The following FBXO8 variants were observed in gnomAD, a reference collection of about 807,000 sequenced individuals.
The protein encoded by FBXO8 is F-box only protein 8.
Under a neutral mutation model 33.4 loss-of-function variants are expected in FBXO8, and 15 were observed. That is an observed-to-expected ratio of 0.45 (90% CI 0.30 to 0.69). The LOEUF (loss-of-function observed/expected upper bound fraction) is 0.69. Ranked by LOEUF, FBXO8 falls within the 30% of genes least tolerant of loss-of-function variation. FBXO8 has a pLI of 0.08. For synonymous variants in FBXO8, 132 were observed against 131.5 expected (o/e 1.00, Z -0.02); for missense variants, 274 against 380.3 (o/e 0.72, Z 2.32).
Position 174,256,270 on chromosome 4 carries a change from AGGTACTTGC to A in FBXO8, c.456+3420_456+3428del. 3 of 371,350 alleles carry A rather than the reference AGGTACTTGC, an allele frequency of 8.1e-6. No homozygotes were observed. Among genetic ancestry groups the A allele is most frequent in the Admixed American group, 6.5e-5 (2 of 30,584 alleles). 23.0% of individuals were successfully genotyped at this position (371,350 alleles called of 1,614,324 possible). A position where few individuals can be genotyped will look rare whatever the true frequency, so the allele number is the denominator to read the frequency against. ...TAAGCAATTATATACATCTTATCTC[AGGTACTTGC>A]AAAAAGCATCACATATTTAAACGTA... is the stretch of plus-strand genomic sequence containing the variant. On this transcript the variant is annotated intron_variant, in intron 3 of 5. Transcript: ENST00000393674. The surrounding 1 kb of genome is among the most constrained non-coding windows in gnomAD (Gnocchi z 4.6).
chr4:174,241,573 C>T lies in FBXO8; in HGVS notation c.457-355G>A, dbSNP rs901578788. Reference sequence around the variant, plus strand: ...AAAACAAGCCTTTTAACAAACACTTCTGCTGTCTAATACAAAACATGATTT... The same window carrying T: ...AAAACAAGCCTTTTAACAAACACTTTTGCTGTCTAATACAAAACATGATTT... On this transcript the variant is annotated intron_variant, in intron 3 of 5. Coordinates refer to ENST00000393674, the MANE Select transcript of FBXO8 (RefSeq NM_012180.3). This position sits in a 1 kb window ranked among gnomAD's most constrained non-coding sequence, Gnocchi z 4.2. 3.3e-5 allele frequency among the ~76,000 whole-genome samples: 5 copies of T among 151,572 alleles called. No individual in the cohort carries two copies. Among genetic ancestry groups the T allele is most frequent in the Non-Finnish European group, 7.4e-5 (5 of 67,590 alleles).
rs142245172 is a variant in FBXO8 at position 174,248,600 on chromosome 4, A to G, written c.457-7382T>C. ...AGTGGGAGAATTAACAGCTGTGAAG[A>G]GAGAGTGCCAGTATCCTGTAGCCAG... On this transcript the variant is annotated intron_variant, in intron 3 of 5. Coordinates refer to ENST00000393674, the MANE Select transcript of FBXO8 (RefSeq NM_012180.3). Among the ~76,000 whole-genome samples, 1,449 of 152,226 alleles carry G rather than the reference A, an allele frequency of 9.5e-3. 9 individuals are homozygous for G. The highest frequency in any genetic ancestry group is 0.017 in the Middle Eastern group (5 of 294).
chr4:174,268,733 G>C (rs1303914717), intron 1 of FBXO8, among the ~76,000 whole-genome samples: 1 of 152,226 alleles, frequency 6.6e-6, no homozygotes, highest in African/African-American at 2.4e-5. Flanking sequence ...ACCGCGCCCG[G>C]CCGGGGGCCG....
intron 3 of FBXO8, among the ~76,000 whole-genome samples, chr4:174,246,157 A>T (rs556000464): frequency 6.6e-6 from 1 of 152,092 alleles, no homozygotes; most frequent in African/African-American, 2.4e-5. Flanking sequence ...CTTCGAGTTA[A>T]AGAACAGGGT....
In FBXO8 at chr4:174,237,205, AC is replaced by A; in HGVS notation, c.*206del. The stretch of plus-strand genomic sequence containing the variant: ...CTCTGCTTTGTGCAAAACGTGATAA[AC>A]AAAATTAGGAAAAATTCTGCAAAAT... On this transcript the variant is annotated 3_prime_UTR_variant, in exon 6 of 6. Coordinates refer to ENST00000393674, the MANE Select transcript of FBXO8 (RefSeq NM_012180.3). This position sits in a 1 kb window ranked among gnomAD's most constrained non-coding sequence, Gnocchi z 4.4. The A allele has an allele frequency of 6.3e-6, 3 of 478,364 alleles. No individual in the cohort carries two copies. Among genetic ancestry groups the A allele is most frequent in the Non-Finnish European group, 1.1e-5 (3 of 269,030 alleles). The allele number at this position is 478,364 out of a possible 1,614,324, so 29.6% of individuals were successfully genotyped here.
rs1489377266 is a variant in FBXO8, at chr4:174,265,720, T to A, written c.-8-2620A>T. Among the ~76,000 whole-genome samples, 1 of 152,154 alleles carries A rather than the reference T, an allele frequency of 6.6e-6. No individual in the cohort carries two copies. Among genetic ancestry groups the A allele is most frequent in the African/African-American group, 2.4e-5 (1 of 41,448 alleles). ...AATAGAGAATGTCAACAAAAAATTA[T>A]AAGTACAAGTTTTATATTTGTTTAA... On this transcript the variant is annotated intron_variant, in intron 1 of 5. Coordinates refer to ENST00000393674, the MANE Select transcript of FBXO8 (RefSeq NM_012180.3). The surrounding 1 kb of genome is among the most constrained non-coding windows in gnomAD (Gnocchi z 4.7).
chr4:174,236,700 G>A lies in FBXO8; in HGVS notation c.*712C>T, dbSNP rs1735894345. On this transcript the variant is annotated 3_prime_UTR_variant, in exon 6 of 6. Coordinates refer to ENST00000393674, the MANE Select transcript of FBXO8 (RefSeq NM_012180.3). ...AATATTTTATTTTATTCCTATGAAT[G>A]TAAATCATAAATTTTGATGTTTTAA... 6.6e-6 allele frequency: 1 copy of A among 152,046 alleles called. No individual in the cohort carries two copies. The highest frequency in any genetic ancestry group is 2.1e-4 in the South Asian group (1 of 4,820). The allele number at this position is 152,046 out of a possible 1,614,324, so 9.4% of individuals were successfully genotyped here. A position where few individuals can be genotyped will look rare whatever the true frequency, so the allele number is the denominator to read the frequency against.
rs1736188117 is a variant in FBXO8, at chr4:174,247,550, C to T, written c.457-6332G>A. Among the ~76,000 whole-genome samples, 1 of 151,912 alleles carries T rather than the reference C, an allele frequency of 6.6e-6. No homozygotes were observed. Among genetic ancestry groups the T allele is most frequent in the Admixed American group, 6.6e-5 (1 of 15,214 alleles). ...TAATACTTAAACAATATAGCTCAAT[C>T]TAGATTTCTAACTTTTCTTTCAACA... On this transcript the variant is annotated intron_variant, in intron 3 of 5. Transcript: ENST00000393674. The surrounding 1 kb of genome is among the most constrained non-coding windows in gnomAD (Gnocchi z 4.6).
Position 174,283,010 on chromosome 4 carries a change from T to C in FBXO8, c.-9+400A>G, listed in dbSNP as rs1056713294. Among the ~76,000 whole-genome samples the C allele has an allele frequency of 4.6e-5, 7 of 152,220 alleles. No homozygotes were observed. Among genetic ancestry groups the C allele is most frequent in the Admixed American group, 4.6e-4 (7 of 15,290 alleles). ...AACTATACTTGTGTTTGCATTCATATTACTGGAAAGTGGTAAAGAACCAAA... is the reference window on the plus strand; with the variant it reads ...AACTATACTTGTGTTTGCATTCATACTACTGGAAAGTGGTAAAGAACCAAA... On this transcript the variant is annotated intron_variant, in intron 1 of 5. Transcript: ENST00000393674. The surrounding 1 kb of genome is among the most constrained non-coding windows in gnomAD (Gnocchi z 6.7).
intron 3 of FBXO8, among the ~76,000 whole-genome samples, chr4:174,243,400 G>C (rs539895529): frequency 1.3e-5 from 2 of 151,180 alleles, no homozygotes; most frequent in Non-Finnish European, 1.5e-5. Flanking sequence ...GGCTACCAAA[G>C]TGAATGGTAA....
rs193170561 is a variant in FBXO8, at chr4:174,242,187, T to A, written c.457-969A>T. Among the ~76,000 whole-genome samples the A allele has an allele frequency of 9.5e-4, 144 of 151,718 alleles. 1 individual carries two copies. The highest frequency in any genetic ancestry group is 1.7e-3 in the Non-Finnish European group (112 of 67,608). On this transcript the variant is annotated intron_variant, in intron 3 of 5. Transcript: ENST00000393674. ...TTAATTGGCAGAGAAAATGACGTAT[T>A]ATATACACACAACATAATGTTTTCA...
In FBXO8 at chr4:174,236,832, T is replaced by C. The variant is rs1735897591; in HGVS notation, c.*580A>G. 6.6e-6 allele frequency: 1 copy of C among 152,038 alleles called. No individual in the cohort carries two copies. Among genetic ancestry groups the C allele is most frequent in the South Asian group, 2.1e-4 (1 of 4,824 alleles). 9.4% of individuals were successfully genotyped at this position (152,038 alleles called of 1,614,324 possible). A position where few individuals can be genotyped will look rare whatever the true frequency, so the allele number is the denominator to read the frequency against. ...TATAAAAATAACTGCCAGTTTTGCATAGTAATATAGTAACAAATCAACACT... is the reference window on the plus strand; with the variant it reads ...TATAAAAATAACTGCCAGTTTTGCACAGTAATATAGTAACAAATCAACACT... On this transcript the variant is annotated 3_prime_UTR_variant, in exon 6 of 6. Coordinates refer to ENST00000393674, the MANE Select transcript of FBXO8 (RefSeq NM_012180.3).
rs1736814951 is a variant in FBXO8, at chr4:174,270,581, C to G, written c.-8-7481G>C. 1.3e-5 allele frequency among the ~76,000 whole-genome samples: 2 copies of G among 151,596 alleles called. No individual in the cohort carries two copies. Among genetic ancestry groups the G allele is most frequent in the African/African-American group, 2.4e-5 (1 of 41,296 alleles). ...AGCTTAAATTTAATATGCTAAACTTCAAGATCATTTTTATTCATGCTCATG... is the reference window on the plus strand; with the variant it reads ...AGCTTAAATTTAATATGCTAAACTTGAAGATCATTTTTATTCATGCTCATG... On this transcript the variant is annotated intron_variant, in intron 1 of 5. Transcript: ENST00000393674. The surrounding 1 kb of genome is among the most constrained non-coding windows in gnomAD (Gnocchi z 4.6).
chr4:174,267,187 T>G lies in FBXO8; in HGVS notation c.-8-4087A>C, dbSNP rs1014497119. 1.3e-5 allele frequency among the ~76,000 whole-genome samples: 2 copies of G among 152,194 alleles called. No individual in the cohort carries two copies. The highest frequency in any genetic ancestry group is 2.9e-5 in the Non-Finnish European group (2 of 68,040). On this transcript the variant is annotated intron_variant, in intron 1 of 5. Coordinates refer to ENST00000393674, the MANE Select transcript of FBXO8 (RefSeq NM_012180.3). This position sits in a 1 kb window ranked among gnomAD's most constrained non-coding sequence, Gnocchi z 4.7. ...TGTCTTTCACAGAAAATTTTAAAAC[T>G]CAGCATGCCTGAGGATGGTGCCAAT... is the stretch of plus-strand genomic sequence containing the variant.
In FBXO8 at chr4:174,245,185, T is replaced by C. The variant is rs1272129890; in HGVS notation, c.457-3967A>G. ...TATCTGTGGCAATGAGACACATACATAAACATCTAGAATACACACGTGCCA... is the reference window on the plus strand; with the variant it reads ...TATCTGTGGCAATGAGACACATACACAAACATCTAGAATACACACGTGCCA... On this transcript the variant is annotated intron_variant, in intron 3 of 5. Transcript: ENST00000393674. The surrounding 1 kb of genome is among the most constrained non-coding windows in gnomAD (Gnocchi z 4.6). Among the ~76,000 whole-genome samples, 1 of 151,754 alleles carries C rather than the reference T, an allele frequency of 6.6e-6. No homozygotes were observed. Among genetic ancestry groups the C allele is most frequent in the African/African-American group, 2.4e-5 (1 of 41,384 alleles).
chr4:174,238,531 C>T (rs1372872190), intron 5 of FBXO8, among the ~76,000 whole-genome samples: 1 of 151,168 alleles, frequency 6.6e-6, no homozygotes, highest in Admixed American at 6.6e-5. Context: ...TACAAACATA[C>T]ACATATAGAT....
chr4:174,283,662 A>G lies in FBXO8; in HGVS notation c.-261T>C, dbSNP rs908097520. 7.8e-6 allele frequency: 3 copies of G among 384,668 alleles called. No individual in the cohort carries two copies. The highest frequency in any genetic ancestry group is 1.4e-4 in the South Asian group (1 of 6,904). The allele number at this position is 384,668 out of a possible 1,614,324, so 23.8% of individuals were successfully genotyped here. A position where few individuals can be genotyped will look rare whatever the true frequency, so the allele number is the denominator to read the frequency against. ...GACTATCCCAATTTTGACGTTTCCTATTGTTGCCGGAAGTGACGTTAGGCT... is the reference window on the plus strand; with the variant it reads ...GACTATCCCAATTTTGACGTTTCCTGTTGTTGCCGGAAGTGACGTTAGGCT... On this transcript the variant is annotated 5_prime_UTR_variant, in exon 1 of 6. Transcript: ENST00000393674. This position sits in a 1 kb window ranked among gnomAD's most constrained non-coding sequence, Gnocchi z 6.7.
Position 174,255,185 on chromosome 4 carries a change from T to A in FBXO8, c.456+4514A>T, listed in dbSNP as rs929421378. Among the ~76,000 whole-genome samples, 2 of 152,194 alleles carry A rather than the reference T, an allele frequency of 1.3e-5. No individual in the cohort carries two copies. Among genetic ancestry groups the A allele is most frequent in the Non-Finnish European group, 2.9e-5 (2 of 68,008 alleles). On this transcript the variant is annotated intron_variant, in intron 3 of 5. Coordinates refer to ENST00000393674, the MANE Select transcript of FBXO8 (RefSeq NM_012180.3). This position sits in a 1 kb window ranked among gnomAD's most constrained non-coding sequence, Gnocchi z 4.3. ...TTGGGAAATGTTTATTGGTACATTC[T>A]AATAATGCCCATGAGGGTTTTCATT...
Position 174,265,753 on chromosome 4 carries a change from A to C in FBXO8, c.-8-2653T>G, listed in dbSNP as rs1736683001. ...AGTTTTATATTTGTTTAAATGTACC[A>C]TGTCACATTACAACATTAAGTACAA... On this transcript the variant is annotated intron_variant, in intron 1 of 5. Coordinates refer to ENST00000393674, the MANE Select transcript of FBXO8 (RefSeq NM_012180.3). This position sits in a 1 kb window ranked among gnomAD's most constrained non-coding sequence, Gnocchi z 4.7. Among the ~76,000 whole-genome samples the C allele has an allele frequency of 1.3e-5, 2 of 152,200 alleles. No individual in the cohort carries two copies. Among genetic ancestry groups the C allele is most frequent in the Admixed American group, 6.5e-5 (1 of 15,274 alleles).
Sources: allele counts gnomAD v4.1 joint callset (sites outside exome capture counted in the v4.1 genomes callset), GRCh38; gene constraint gnomAD v4.1.1; non-coding constraint Gnocchi (gnomAD v3.1); transcripts MANE v1.5; gene names NCBI Gene and HGNC (gene_info 2026-07-23, HGNC 2026-07-21).